The following MTMR2 variants were observed in gnomAD, a reference collection of about 807,000 sequenced individuals.
MTMR2 encodes the protein myotubularin related protein 2, also known as phosphatidylinositol-3,5-bisphosphate 3-phosphatase MTMR2.
In MTMR2, 55 loss-of-function variants were observed where a neutral mutation model predicts 86.9. The observed-to-expected ratio is 0.63, with a 90% CI of 0.51 to 0.79. The LOEUF (loss-of-function observed/expected upper bound fraction) is 0.79, where lower values mean the gene tolerates loss of function less well. Among genes scored for constraint, MTMR2 ranks in the 30% least tolerant of loss-of-function variants. The probability of loss-of-function intolerance (pLI) is 0.00; values close to 1 mark genes in which losing one functional copy is unlikely to be tolerated. For missense variants in MTMR2, 659 were observed against 772.3 expected (o/e 0.85, Z 1.74); for synonymous variants, 241 against 266.8 (o/e 0.90, Z 0.94).
At chr11:95,912,613 T>C (rs1213831134) in intron 1 of MTMR2, among the ~76,000 whole-genome samples, 2 of 151,836 alleles carry the variant, frequency 1.3e-5, no homozygotes, top group Non-Finnish European at 2.9e-5. Flanking sequence ...CAATATACCA[T>C]ACATAATACA....
chr11:95,922,458 A>C lies in MTMR2; in HGVS notation c.80+1417T>G, dbSNP rs567189577. On this transcript the variant is annotated intron_variant, in intron 1 of 14. Transcript: ENST00000346299. ...CCTCAGCTTTCCAAATTTCAAAGCAATAAATACAGAATTCAAAAAATACTT... is the reference window on the plus strand; with the variant it reads ...CCTCAGCTTTCCAAATTTCAAAGCACTAAATACAGAATTCAAAAAATACTT... Among the ~76,000 whole-genome samples, 15 of 152,340 alleles carry C rather than the reference A, an allele frequency of 9.8e-5. 1 individual carries two copies. The East Asian group carries it at 2.9e-3, about 29-fold the overall frequency.
At chr11:95,851,561 C>T (rs1044135998) in intron 7 of MTMR2, among the ~76,000 whole-genome samples, 1 of 152,036 alleles carries the variant, frequency 6.6e-6, no homozygotes, top group African/African-American at 2.4e-5. Context: ...AAGGTTTCAC[C>T]ATGTTGGTCA....
At chr11:95,842,162 G>C (rs183424912) in intron 11 of MTMR2, among the ~76,000 whole-genome samples, 40 of 152,224 alleles carry the variant, frequency 2.6e-4, no homozygotes, top group African/African-American at 9.4e-4. Flanking sequence ...CCATTATCCT[G>C]CCAAGCAGAA....
At chr11:95,916,462 C>T (rs1238722955) in intron 1 of MTMR2, among the ~76,000 whole-genome samples, 1 of 152,032 alleles carries the variant, frequency 6.6e-6, no homozygotes, top group East Asian at 1.9e-4. Context: ...AGCTGGAGTT[C>T]CAACAATAAT....
In MTMR2 at chr11:95,913,847, G is replaced by C. The variant is rs796696363; in HGVS notation, c.80+10028C>G. Among the ~76,000 whole-genome samples the C allele has an allele frequency of 2.0e-5, 3 of 152,102 alleles. No homozygotes were observed. In the South Asian group the frequency reaches 6.2e-4, roughly 32 times the overall value. ...TGGCTAAGAAACATACAAAACAGTAGTAAAATTACACTTGAATAACATACA... is the reference window on the plus strand; with the variant it reads ...TGGCTAAGAAACATACAAAACAGTACTAAAATTACACTTGAATAACATACA... On this transcript the variant is annotated intron_variant, in intron 1 of 14. Coordinates refer to ENST00000346299, the MANE Select transcript of MTMR2 (RefSeq NM_016156.6).
chr11:95,836,606 G>GCATT (rs1863298367), intron 13 of MTMR2, among the ~76,000 whole-genome samples: 1 of 151,942 alleles, frequency 6.6e-6, no homozygotes, highest in African/African-American at 2.4e-5. Context: ...GTTCAAAGCA[G>GCATT]CATTATTCAT....
At position 95,923,321 on chromosome 11, in the gene MTMR2, G is replaced by A. The variant is rs1192614242; in HGVS notation, c.80+554C>T. Among the ~76,000 whole-genome samples the A allele has an allele frequency of 2.6e-5, 4 of 152,146 alleles. No homozygotes were observed. In the East Asian group the frequency reaches 5.8e-4, roughly 22 times the overall value. ...AGATTTAGAAAAGAGAAGCACAGGA[G>A]ACATTTTTATTTACATATTTAAGCA... On this transcript the variant is annotated intron_variant, in intron 1 of 14. Transcript: ENST00000346299.
chr11:95,906,347 A>G (rs537093902), intron 1 of MTMR2, among the ~76,000 whole-genome samples: 66 of 152,330 alleles, frequency 4.3e-4, no homozygotes, highest in African/African-American at 1.6e-3. Flanking sequence ...AAGAAGACTC[A>G]ACTATCCTAA....
In MTMR2 at chr11:95,852,551, A is replaced by G. The variant is rs530986733; in HGVS notation, c.655-1802T>C. ...ACCTTACATCCTGTTTACTCCATAT[A>G]ATTAGCCTGGTCCCATCTTGCTCCC... On this transcript the variant is annotated intron_variant, in intron 7 of 14. Coordinates refer to ENST00000346299, the MANE Select transcript of MTMR2 (RefSeq NM_016156.6). 4.6e-5 allele frequency among the ~76,000 whole-genome samples: 7 copies of G among 152,170 alleles called. No individual in the cohort carries two copies. The South Asian group carries it at 1.5e-3, about 32-fold the overall frequency.
At chr11:95,856,030 AG>A (rs1864198071) in intron 7 of MTMR2, among the ~76,000 whole-genome samples, 1 of 152,210 alleles carries the variant, frequency 6.6e-6, no homozygotes. Flanking sequence ...AAAAAAAGAA[AG>A]GTCTATATGT....
Position 95,849,714 on chromosome 11 carries a change from A to G in MTMR2, c.953T>C (p.Ile318Thr), listed in dbSNP as rs1484953588. The change falls in exon 9 of 15, where the codon ATA becomes ACA. Residue 318 changes from isoleucine (I) to threonine (T), a missense_variant. By Grantham distance (89) the Ile-to-Thr change is moderately conservative. Transcript: ENST00000346299. Reference sequence around the variant, plus strand: ...ATTAACACTTGGCCGGGCATCAAATATAAAGATTTTGTGAGACTGGGCATT... The same window carrying G: ...ATTAACACTTGGCCGGGCATCAAATGTAAAGATTTTGTGAGACTGGGCATT... Reference protein sequence around the residue: ...DSNAQSHKIFIFDARPSVNAV... With the variant: ...DSNAQSHKIFTFDARPSVNAV... The G allele has an allele frequency of 2.5e-6, 4 of 1,613,978 alleles. No homozygotes were observed. Among genetic ancestry groups the G allele is most frequent in the African/African-American group, 1.3e-5 (1 of 74,916 alleles).
In MTMR2 at chr11:95,893,348, T is replaced by G. The variant is rs977770007; in HGVS notation, c.81-5087A>C. Among the ~76,000 whole-genome samples, 4 of 152,144 alleles carry G rather than the reference T, an allele frequency of 2.6e-5. No homozygotes were observed. In the South Asian group the frequency reaches 8.3e-4, roughly 32 times the overall value. On this transcript the variant is annotated intron_variant, in intron 1 of 14. Coordinates refer to ENST00000346299, the MANE Select transcript of MTMR2 (RefSeq NM_016156.6). ...AATCTTAAACTTGAGGAAATTAATC[T>G]TTGACTAGATGCCAACCCTTTCTAA...
intron 3 of MTMR2, among the ~76,000 whole-genome samples, chr11:95,863,859 T>C (rs1043175284): frequency 6.6e-6 from 1 of 152,182 alleles, no homozygotes; most frequent in Non-Finnish European, 1.5e-5. Context: ...TTTGCTTTGT[T>C]CTGTACCCTC....
intron 1 of MTMR2, among the ~76,000 whole-genome samples, chr11:95,890,768 G>C (rs1452496205): frequency 6.6e-6 from 1 of 152,204 alleles, no homozygotes; most frequent in Non-Finnish European, 1.5e-5. Flanking sequence ...GGTGAGCACA[G>C]CTGTGTGTGC....
intron 1 of MTMR2, among the ~76,000 whole-genome samples, chr11:95,909,134 A>T (rs1866403773): frequency 6.6e-6 from 1 of 152,146 alleles, no homozygotes; most frequent in Admixed American, 6.6e-5. Context: ...TATTCTTAAA[A>T]GCAATGATCC....
intron 1 of MTMR2, among the ~76,000 whole-genome samples, chr11:95,905,331 G>GCGCGCGCGCGCACACACACA (rs928252045): frequency 1.4e-5 from 2 of 147,992 alleles, no homozygotes; most frequent in South Asian, 2.2e-4. Context: ...ACGCACCTGC[G>GCGCGCGCGCGCACACACACA]CACACACACA....
chr11:95,844,651 T>C (rs1398184486), intron 11 of MTMR2, among the ~76,000 whole-genome samples: 1 of 152,008 alleles, frequency 6.6e-6, no homozygotes, highest in Non-Finnish European at 1.5e-5. Flanking sequence ...CTTCTAAAAG[T>C]TTTTCAATTA....
rs189880093 is a variant in MTMR2 at position 95,912,712 on chromosome 11, A to C, written c.80+11163T>G. On this transcript the variant is annotated intron_variant, in intron 1 of 14. Coordinates refer to ENST00000346299, the MANE Select transcript of MTMR2 (RefSeq NM_016156.6). The stretch of plus-strand genomic sequence containing the variant: ...TTTCAGTCCCTCAGAGATCTTGTGA[A>C]TATCAACTATAAAATATAGTATTAT... Among the ~76,000 whole-genome samples, 6 of 152,016 alleles carry C rather than the reference A, an allele frequency of 3.9e-5. No homozygotes were observed. In the East Asian group the frequency reaches 1.2e-3, roughly 29 times the overall value.
intron 2 of MTMR2, among the ~76,000 whole-genome samples, chr11:95,869,884 A>G (rs1864786852): frequency 2.0e-5 from 3 of 152,260 alleles, no homozygotes; most frequent in Non-Finnish European, 2.9e-5. Flanking sequence ...AGTTGTTGCT[A>G]TGGGGATGAG....
Sources: gnomAD v4.1 joint callset for allele counts (sites outside exome capture counted in the v4.1 genomes callset) on GRCh38, gnomAD v4.1.1 for gene constraint, MANE v1.5 for transcripts, NCBI Gene and HGNC (gene_info 2026-07-23, HGNC 2026-07-21) for gene names.